Variants in PDE10A observed in about 807,000 individuals in gnomAD.
PDE10A encodes phosphodiesterase 10A.
A neutral mutation model predicts 97.7 loss-of-function variants in PDE10A; 39 were observed. The observed-to-expected ratio is 0.40, with a 90% confidence interval of 0.31 to 0.52. The LOEUF is 0.52. Among genes scored for constraint, PDE10A ranks in the 20% least tolerant of loss-of-function variants. The pLI is 0.56. For missense variants in PDE10A, 731 were observed against 1,047.8 expected (o/e 0.70, Z 4.17); for synonymous variants, 371 against 376.8 (o/e 0.98, Z 0.18).
chr6:165,333,001 A>T lies in PDE10A; in HGVS notation c.*24T>A, dbSNP rs761732181. 2 of 965,158 alleles carry T rather than the reference A, an allele frequency of 2.1e-6. No homozygotes were observed. Among genetic ancestry groups the T allele is most frequent in the Non-Finnish European group, 3.0e-6 (2 of 656,458 alleles). The allele number at this position is 965,158 out of a possible 1,614,324, so 59.8% of individuals were successfully genotyped here. On this transcript the variant is annotated 3_prime_UTR_variant, in exon 22 of 22. Transcript: ENST00000539869. ...AGCAAGATGAGGATCTGTAGGTGGG[A>T]CAGCGTGTCAGGGTGACCAGTGCTC... is the stretch of plus-strand genomic sequence containing the variant.
chr6:165,757,856 T>C (rs1333467372), intron 1 of PDE10A, among the ~76,000 whole-genome samples: 3 of 152,198 alleles, frequency 2.0e-5, no homozygotes, highest in African/African-American at 7.2e-5. Context: ...GATGACATAA[T>C]TTAGAGAGAA....
chr6:165,967,226 C>G (rs991821316), intron 1 of PDE10A, among the ~76,000 whole-genome samples: 1 of 152,212 alleles, frequency 6.6e-6, no homozygotes, highest in Non-Finnish European at 1.5e-5. Flanking sequence ...TGGCCAGGCA[C>G]AGTGGTTCAC....
intron 1 of PDE10A, among the ~76,000 whole-genome samples, chr6:165,649,014 A>G (rs1789547093): frequency 6.6e-6 from 1 of 152,128 alleles, no homozygotes; most frequent in Admixed American, 6.6e-5. Context: ...TTTCCCCAGA[A>G]CAGTCTCCTG....
At chr6:165,432,045 C>T (rs6903484) in intron 7 of PDE10A, among the ~76,000 whole-genome samples, 1,748 of 152,272 alleles carry the variant, frequency 0.011, 34 homozygotes, top group African/African-American at 0.039. Flanking sequence ...TTATTATTCA[C>T]TCATTCAACA....
intron 1 of PDE10A, among the ~76,000 whole-genome samples, chr6:165,904,335 G>C (rs1782203520): frequency 6.6e-6 from 1 of 152,098 alleles, no homozygotes; most frequent in Non-Finnish European, 1.5e-5. Context: ...CCATGGGTCT[G>C]GATGGGCCTA....
At chr6:165,457,851 G>A (rs1778052588) in intron 3 of PDE10A, among the ~76,000 whole-genome samples, 1 of 152,172 alleles carries the variant, frequency 6.6e-6, no homozygotes. Context: ...CTGCTAAAAT[G>A]AATTAGTTAT....
intron 1 of PDE10A, among the ~76,000 whole-genome samples, chr6:165,984,581 C>T (rs1013630112): frequency 8.5e-5 from 13 of 152,162 alleles, no homozygotes; most frequent in Admixed American, 8.5e-4. Context: ...CCAAATGCTG[C>T]GTATGGAGCT....
chr6:165,980,224 G>A (rs1784971672), intron 1 of PDE10A, among the ~76,000 whole-genome samples: 1 of 152,178 alleles, frequency 6.6e-6, no homozygotes, highest in Admixed American at 6.5e-5. Flanking sequence ...TGTAGTGTCT[G>A]TACTCATGAC....
At chr6:165,629,785 C>G (rs1383660118) in intron 1 of PDE10A, among the ~76,000 whole-genome samples, 1 of 152,196 alleles carries the variant, frequency 6.6e-6, no homozygotes, top group Non-Finnish European at 1.5e-5. Flanking sequence ...CTGCCTGCCT[C>G]AGCCTCCCAC....
At chr6:165,352,214 T>C (rs963142103) in intron 18 of PDE10A, among the ~76,000 whole-genome samples, 2 of 152,184 alleles carry the variant, frequency 1.3e-5, no homozygotes, top group African/African-American at 4.8e-5. Context: ...TAAACGAAAA[T>C]GCATTTATAA....
intron 1 of PDE10A, chr6:165,940,710 T>C (rs1583315552): frequency 6.6e-6 from 1 of 152,232 alleles, no homozygotes; most frequent in Non-Finnish European, 1.5e-5. Flanking sequence ...GTGAATTCTC[T>C]CCAGGGCGCC....
At chr6:165,752,616 A>C (rs1489645971) in intron 1 of PDE10A, among the ~76,000 whole-genome samples, 2 of 152,222 alleles carry the variant, frequency 1.3e-5, no homozygotes, top group East Asian at 3.8e-4. Context: ...AACATGTCAA[A>C]CTGGGAAGAG....
chr6:165,982,130 A>G (rs1785038889), intron 1 of PDE10A, among the ~76,000 whole-genome samples: 1 of 152,206 alleles, frequency 6.6e-6, no homozygotes, highest in South Asian at 2.1e-4. Flanking sequence ...ATTGAAAACC[A>G]TATGTTCACT....
At chr6:165,566,485 A>G (rs1285399247) in intron 1 of PDE10A, among the ~76,000 whole-genome samples, 1 of 152,194 alleles carries the variant, frequency 6.6e-6, no homozygotes, top group African/African-American at 2.4e-5. Flanking sequence ...GTGAAATGGT[A>G]CTCTGGAAGA....
At chr6:165,973,880 C>T (rs758191862) in intron 1 of PDE10A, among the ~76,000 whole-genome samples, 1 of 152,216 alleles carries the variant, frequency 6.6e-6, no homozygotes, top group Non-Finnish European at 1.5e-5. Flanking sequence ...TCTTCAATAA[C>T]ATGCAGAATT....
chr6:165,616,208 G>T (rs763690665), intron 1 of PDE10A, among the ~76,000 whole-genome samples: 1 of 151,776 alleles, frequency 6.6e-6, no homozygotes, highest in Non-Finnish European at 1.5e-5. Flanking sequence ...AGTAGCTCCC[G>T]GTGTATCTCC....
At chr6:165,784,238 A>C (rs1046808593) in intron 1 of PDE10A, among the ~76,000 whole-genome samples, 5 of 151,960 alleles carry the variant, frequency 3.3e-5, no homozygotes, top group African/African-American at 1.2e-4. Flanking sequence ...AAAAAAAAGA[A>C]AAAAGAAATA....
At chr6:165,346,138 G>A (rs952390297) in intron 18 of PDE10A, among the ~76,000 whole-genome samples, 2 of 152,164 alleles carry the variant, frequency 1.3e-5, no homozygotes, top group African/African-American at 4.8e-5. Context: ...TTTTCCCAGA[G>A]GAGTGGCCTG....
intron 1 of PDE10A, among the ~76,000 whole-genome samples, chr6:165,738,347 A>C (rs1267570057): frequency 1.3e-5 from 2 of 151,730 alleles, no homozygotes; most frequent in Admixed American, 1.3e-4. Context: ...TGAACTCATC[A>C]TTTTTTATGG....
Sources: allele counts gnomAD v4.1 joint callset (sites outside exome capture counted in the v4.1 genomes callset), GRCh38; gene constraint gnomAD v4.1.1; transcripts MANE v1.5; gene names NCBI Gene and HGNC (gene_info 2026-07-23, HGNC 2026-07-21).